Variants in VPS13B observed in about 807,000 individuals in gnomAD.
VPS13B encodes vacuolar protein sorting 13 homolog B.
VPS13B carries 285 observed loss-of-function variants against 426.4 expected under a neutral mutation model. The observed-to-expected ratio is 0.67, with a 90% CI of 0.61 to 0.74. The LOEUF (loss-of-function observed/expected upper bound fraction) is 0.74. Ranked by LOEUF, VPS13B falls within the 30% of genes least tolerant of loss-of-function variation. The probability of loss-of-function intolerance (pLI) is 0.00; values close to 1 mark genes in which losing one functional copy is unlikely to be tolerated. For synonymous variants in VPS13B, 1,676 were observed against 1,676.4 expected, an observed-to-expected ratio of 1.00 and a Z score of 0.01; for missense variants, 4,537 against 4,782.6, an observed-to-expected ratio of 0.95 and a Z score of 1.51.
In VPS13B at chr8:99,135,046, G is replaced by T. The variant is rs762812549; in HGVS notation, c.1334G>T (p.Cys445Phe). 4.6e-5 allele frequency: 74 copies of T among 1,613,388 alleles called. No homozygotes were observed. The highest frequency in any genetic ancestry group is 6.3e-5 in the Non-Finnish European group (74 of 1,179,592). Reference sequence around the variant, plus strand: ...ATGATGGGAGAACCTTTCTTTGATTGCCAGATTGGGTTTGTTGGTTGCAGA... The same window carrying T: ...ATGATGGGAGAACCTTTCTTTGATTTCCAGATTGGGTTTGTTGGTTGCAGA... ...ALMMGEPFFD[C>F]QIGFVGCRAM... The change falls in exon 10 of 62, where the codon TGC becomes TTC. Residue 445 changes from cysteine (C) to phenylalanine (F), a missense_variant. This residue lies in a region of VPS13B where 4,311 missense variants were observed against 4,474.3 expected (regional missense o/e 0.96). Coordinates refer to ENST00000357162, the MANE Select transcript of VPS13B (RefSeq NM_152564.5).
chr8:99,050,011 CT>C (rs1377355457), intron 3 of VPS13B, among the ~76,000 whole-genome samples: 1 of 150,332 alleles, frequency 6.7e-6, no homozygotes, highest in African/African-American at 2.4e-5. Flanking sequence ...TTTTTTTTAA[CT>C]TTTGTATTTT....
At chr8:99,164,884 C>T (rs1168624056) in intron 15 of VPS13B, among the ~76,000 whole-genome samples, 2 of 151,980 alleles carry the variant, frequency 1.3e-5, no homozygotes, top group Non-Finnish European at 1.5e-5. Flanking sequence ...TCGACTTTTT[C>T]TTTCCTTTCT....
In VPS13B at chr8:99,875,617, G is replaced by C. The variant is rs1370500777; in HGVS notation, c.11945G>C (p.Ser3982Thr). The change falls in exon 62 of 62, where the codon AGT (serine) becomes ACT (threonine). Residue 3982 changes from serine (S) to threonine (T), a missense_variant. Around this residue, in one of 2 missense-constraint regions of VPS13B, gnomAD observed 4,311 missense variants for 4,474.3 expected, o/e 0.96. Coordinates refer to ENST00000357162, the MANE Select transcript of VPS13B (RefSeq NM_152564.5). ...VDPHFAQVFL[S>T]KFTMVKNKAL... is the part of the protein sequence containing the mutation. ...CCACATTTTGCTCAGGTCTTCCTTA[G>C]TAAATTTACCATGGTGAAAAATAAA... 2 of 1,614,022 alleles carry C rather than the reference G, an allele frequency of 1.2e-6. No individual in the cohort carries two copies. Among genetic ancestry groups the C allele is most frequent in the Non-Finnish European group, 1.7e-6 (2 of 1,180,016 alleles).
intron 54 of VPS13B, among the ~76,000 whole-genome samples, chr8:99,843,231 C>T (rs143654311): frequency 1.3e-5 from 2 of 152,256 alleles, no homozygotes; most frequent in African/African-American, 4.8e-5. Context: ...AACGGTGAGT[C>T]TCTTAGTATA....
At chr8:99,053,791 C>G (rs530973847) in intron 3 of VPS13B, among the ~76,000 whole-genome samples, 1 of 151,946 alleles carries the variant, frequency 6.6e-6, no homozygotes, top group African/African-American at 2.4e-5. Flanking sequence ...CAACCTCTCC[C>G]TCCTGGGTTC....
rs117599182 is a variant in VPS13B at position 99,571,390 on chromosome 8, A to G, written c.4950-4268A>G. ...TCAATGATTTTTAAAAATATTTACC[A>G]TTACCTCAAATATTTACCAGAGATA... is the stretch of plus-strand genomic sequence containing the variant. On this transcript the variant is annotated intron_variant, in intron 31 of 61. Transcript: ENST00000357162. Among the ~76,000 whole-genome samples the G allele has an allele frequency of 2.5e-3, 378 of 152,272 alleles. 1 individual carries two copies. Among genetic ancestry groups the G allele is most frequent in the Non-Finnish European group, 3.8e-3 (260 of 68,008 alleles).
chr8:99,317,654 T>C (rs1467401981), intron 19 of VPS13B, among the ~76,000 whole-genome samples: 2 of 152,130 alleles, frequency 1.3e-5, no homozygotes, highest in African/African-American at 2.4e-5. Flanking sequence ...AAATTCACTA[T>C]GCTGTATGGA....
chr8:99,572,561 T>C (rs1825535359), intron 31 of VPS13B, among the ~76,000 whole-genome samples: 1 of 152,144 alleles, frequency 6.6e-6, no homozygotes, highest in Non-Finnish European at 1.5e-5. Flanking sequence ...GTGTTTGGTT[T>C]TTTGTTCTTG....
At chr8:99,189,496 C>G (rs1035447395) in intron 16 of VPS13B, among the ~76,000 whole-genome samples, 1 of 151,838 alleles carries the variant, frequency 6.6e-6, no homozygotes, top group Admixed American at 6.6e-5. Context: ...GTTTGTGACA[C>G]ATTGTGCACG....
At chr8:99,299,396 A>G (rs1820235572) in intron 19 of VPS13B, among the ~76,000 whole-genome samples, 1 of 152,050 alleles carries the variant, frequency 6.6e-6, no homozygotes, top group Non-Finnish European at 1.5e-5. Flanking sequence ...TAATTTCTTC[A>G]TTAAAAAGAA....
intron 15 of VPS13B, among the ~76,000 whole-genome samples, chr8:99,167,247 G>C (rs1402192313): frequency 6.6e-6 from 1 of 151,928 alleles, no homozygotes; most frequent in African/African-American, 2.4e-5. Flanking sequence ...TTATTATGCT[G>C]TACAACCCTA....
intron 30 of VPS13B, among the ~76,000 whole-genome samples, chr8:99,539,599 A>G (rs1823450706): frequency 6.6e-6 from 1 of 152,110 alleles, no homozygotes; most frequent in Non-Finnish European, 1.5e-5. Context: ...TTAAAACATT[A>G]GCCAGGTACA....
intron 31 of VPS13B, among the ~76,000 whole-genome samples, chr8:99,563,617 A>G (rs1366179911): frequency 4.6e-5 from 7 of 152,290 alleles, no homozygotes; most frequent in African/African-American, 1.7e-4. Flanking sequence ...TTGTTTCCAC[A>G]GAGTATGGGT....
At chr8:99,696,929 A>G (rs1196411478) in intron 35 of VPS13B, 1 of 710,976 alleles carries the variant, frequency 1.4e-6, no homozygotes, top group African/African-American at 1.7e-5. Context: ...AAGGCCAATG[A>G]TAAGCTGATT....
intron 24 of VPS13B, among the ~76,000 whole-genome samples, chr8:99,474,900 TA>T (rs1819613693): frequency 6.6e-6 from 1 of 152,190 alleles, no homozygotes; most frequent in African/African-American, 2.4e-5. Flanking sequence ...CAGATGTATA[TA>T]GCAGCTTTAT....
chr8:99,089,755 T>A (rs1364306201), intron 3 of VPS13B, among the ~76,000 whole-genome samples: 1 of 152,200 alleles, frequency 6.6e-6, no homozygotes, highest in Non-Finnish European at 1.5e-5. Context: ...GACTCTTAGT[T>A]AATTCTCTCC....
At chr8:99,657,362 TA>T (rs1830057050) in intron 34 of VPS13B, among the ~76,000 whole-genome samples, 1 of 152,186 alleles carries the variant, frequency 6.6e-6, no homozygotes, top group Non-Finnish European at 1.5e-5. Flanking sequence ...TTAATTTTTA[TA>T]AATGCTTGGT....
chr8:99,565,666 G>C (rs772344867), intron 31 of VPS13B, among the ~76,000 whole-genome samples: 1 of 152,084 alleles, frequency 6.6e-6, no homozygotes, highest in Non-Finnish European at 1.5e-5. Flanking sequence ...AGCATAGTTT[G>C]ATTAGTGATT....
chr8:99,603,592 A>C (rs1827426494), intron 33 of VPS13B, among the ~76,000 whole-genome samples: 1 of 152,230 alleles, frequency 6.6e-6, no homozygotes, highest in African/African-American at 2.4e-5. Context: ...CGGGTCATAT[A>C]TACCACATAG....
Sources: gnomAD v4.1 joint callset for allele counts (sites outside exome capture counted in the v4.1 genomes callset) on GRCh38, gnomAD v4.1.1 for gene constraint, gnomAD v4.1.1 regional missense constraint, MANE v1.5 for transcripts, NCBI Gene and HGNC (gene_info 2026-07-23, HGNC 2026-07-21) for gene names.